The following SHROOM2 variants were observed in gnomAD, a reference collection of about 807,000 sequenced individuals.
SHROOM2 encodes the protein shroom family member 2.
In SHROOM2, 33 loss-of-function variants were observed where a neutral mutation model predicts 75.9. The observed-to-expected ratio is 0.43, with a 90% CI of 0.33 to 0.58. The LOEUF is 0.58. Ranked by LOEUF, SHROOM2 falls within the 20% of genes least tolerant of loss-of-function variation. The pLI, the probability that SHROOM2 is intolerant of heterozygous loss-of-function variation, is 0.04. For missense variants in SHROOM2, 1,434 were observed against 1,461.2 expected (o/e 0.98, Z 0.30); for synonymous variants, 655 against 663.6 (o/e 0.99, Z 0.20).
In SHROOM2 at chrX:9,937,470, G is replaced by A; in HGVS notation, c.3924G>A (p.Glu1308=). ...PPGLSYMKAK[E]KTVEDLKSEE... ...GGCTCAGCTACATGAAGGCCAAAGA[G>A]AAGACTGTGGAAGACCTGAAGTCGG... is the stretch of plus-strand genomic sequence containing the variant. Residue 1308 remains glutamate (E), a synonymous_variant, in exon 7 of 10, where the codon GAG becomes GAA. Coordinates refer to ENST00000380913, the MANE Select transcript of SHROOM2 (RefSeq NM_001649.4). 1 of 1,211,423 alleles carries A rather than the reference G, an allele frequency of 8.3e-7. No individual in the cohort carries two copies. The highest frequency in any genetic ancestry group is 1.1e-6 in the Non-Finnish European group (1 of 895,406).
chrX:9,935,598 C>A (rs1459003107), intron 6 of SHROOM2, among the ~76,000 whole-genome samples: 1 of 111,258 alleles, frequency 9.0e-6, no homozygotes, highest in East Asian at 2.8e-4. Context: ...TAAAACACAT[C>A]AGATGTTGCT....
In SHROOM2 at chrX:9,826,845, C is replaced by T. The variant is rs780419478; in HGVS notation, c.165+40135C>T. On this transcript the variant is annotated intron_variant, in intron 1 of 9. Coordinates refer to ENST00000380913, the MANE Select transcript of SHROOM2 (RefSeq NM_001649.4). ...ATGTACATTCTCATCTTTCAAAGAA[C>T]GAACAAGATTTGGGAAAATGCACCA... Among the ~76,000 whole-genome samples the T allele has an allele frequency of 1.5e-4, 17 of 112,479 alleles. No homozygotes were observed. In the South Asian group the frequency reaches 4.0e-3, roughly 27 times the overall value.
intron 5 of SHROOM2, among the ~76,000 whole-genome samples, chrX:9,924,863 G>A (rs2084579600): frequency 9.1e-6 from 1 of 110,344 alleles, no homozygotes; most frequent in Non-Finnish European, 1.9e-5. Flanking sequence ...GTAGAGACTG[G>A]GTCTTGCTAT....
intron 6 of SHROOM2, among the ~76,000 whole-genome samples, chrX:9,934,970 A>G (rs1357152967): frequency 9.0e-6 from 1 of 110,599 alleles, no homozygotes; most frequent in African/African-American, 3.3e-5. Flanking sequence ...ACGGGGTTTC[A>G]CCATGTTGGC....
chrX:9,788,856 C>G (rs1327529797), intron 1 of SHROOM2, among the ~76,000 whole-genome samples: 1 of 110,980 alleles, frequency 9.0e-6, no homozygotes, highest in Non-Finnish European at 1.9e-5. Context: ...ACTGTCACCT[C>G]TCTCCAGGTG....
At chrX:9,914,841 C>A (rs182272557) in intron 5 of SHROOM2, among the ~76,000 whole-genome samples, 5 of 111,928 alleles carry the variant, frequency 4.5e-5, no homozygotes, top group Non-Finnish European at 9.4e-5. Context: ...TGGGCTCCTG[C>A]GGACTAATGG....
At chrX:9,795,593 A>C in intron 1 of SHROOM2, among the ~76,000 whole-genome samples, 1 of 111,227 alleles carries the variant, frequency 9.0e-6, no homozygotes, top group Admixed American at 9.6e-5. Context: ...GTTGTCTTCA[A>C]ATGTCTAGTG....
chrX:9,929,789 T>C (rs1417701931), intron 5 of SHROOM2, among the ~76,000 whole-genome samples: 1 of 112,035 alleles, frequency 8.9e-6, no homozygotes, highest in Non-Finnish European at 1.9e-5. Flanking sequence ...TTGAATTGTA[T>C]TTCTGAGAAT....
chrX:9,913,422 A>C (rs2084451898), intron 5 of SHROOM2, among the ~76,000 whole-genome samples: 1 of 112,460 alleles, frequency 8.9e-6, no homozygotes, highest in Non-Finnish European at 1.9e-5. Flanking sequence ...TGATTGTGAC[A>C]GTTTAAGGGT....
At position 9,932,883 on chromosome X, in the gene SHROOM2, G is replaced by T. The variant is rs761281564; in HGVS notation, c.3587+13G>T. 8.7e-7 allele frequency: 1 copy of T among 1,153,469 alleles called. No individual in the cohort carries two copies. The highest frequency in any genetic ancestry group is 3.0e-5 in the East Asian group (1 of 33,258). On this transcript the variant is annotated intron_variant, in intron 6 of 9. Coordinates refer to ENST00000380913, the MANE Select transcript of SHROOM2 (RefSeq NM_001649.4). The stretch of plus-strand genomic sequence containing the variant: ...AGGATTCAACCAGGTACTGTCCTGC[G>T]ACGGTGTTCCCTCCCCATGAGGCTC...
At position 9,813,032 on chromosome X, in the gene SHROOM2, T is replaced by TTGAACGGG. The variant is rs764043071; in HGVS notation, c.165+26323_165+26330dup. ...CTTCTGCACGGGCTAAATGGGAGAG[T>TTGAACGGG]TGAACGGGGATGTGGTGGGAATCAC... On this transcript the variant is annotated intron_variant, in intron 1 of 9. Coordinates refer to ENST00000380913, the MANE Select transcript of SHROOM2 (RefSeq NM_001649.4). Among the ~76,000 whole-genome samples, 768 of 112,013 alleles carry TTGAACGGG rather than the reference T, an allele frequency of 6.9e-3. 2 individuals carry two copies. Among genetic ancestry groups the TTGAACGGG allele is most frequent in the Middle Eastern group, 0.014 (3 of 216 alleles).
chrX:9,806,144 A>C (rs1321685494), intron 1 of SHROOM2, among the ~76,000 whole-genome samples: 6 of 110,035 alleles, frequency 5.5e-5, no homozygotes, highest in African/African-American at 2.0e-4. Context: ...GCTGTTTTTG[A>C]GCCTCCTAGC....
chrX:9,936,618 G>A (rs1427261131), intron 6 of SHROOM2, among the ~76,000 whole-genome samples: 1 of 111,002 alleles, frequency 9.0e-6, no homozygotes, highest in Admixed American at 9.6e-5. Context: ...GGGTGGTGGG[G>A]GGCTTTGGCC....
At chrX:9,898,043 C>G (rs1196289914) in intron 4 of SHROOM2, 147 bp from the exon 5 acceptor site, 1 of 509,532 alleles carries the variant, frequency 2.0e-6, no homozygotes, top group Non-Finnish European at 3.6e-6. Context: ...CAGAAGTGGA[C>G]GTGGGGTCTT....
chrX:9,928,384 G>A (rs2084615291), intron 5 of SHROOM2, among the ~76,000 whole-genome samples: 1 of 112,771 alleles, frequency 8.9e-6, no homozygotes, highest in East Asian at 2.8e-4. Flanking sequence ...TTGTGTGGCC[G>A]AACTTCCTGC....
intron 1 of SHROOM2, among the ~76,000 whole-genome samples, chrX:9,812,247 C>G (rs1463431000): frequency 8.9e-6 from 1 of 112,036 alleles, no homozygotes; most frequent in African/African-American, 3.2e-5. Context: ...TTATCTGCCA[C>G]TCTCACCTCA....
Position 9,895,840 on chromosome X carries a change from C to G in SHROOM2, c.1932C>G (p.Ser644Arg), listed in dbSNP as rs2084326001. Residue 644 changes from serine (S) to arginine (R), a missense_variant, in exon 4 of 10, where the codon AGC becomes AGG. Ser to Arg is a moderately radical substitution (Grantham distance 110, BLOSUM62 -1). Transcript: ENST00000380913. ...TGCATAGAGCCAAGCTGCAGAAGAG[C>G]CGGAGCACAGTGGCTCTGACTGCAG... ...IQMHRAKLQK[S>R]RSTVALTAAG... 1 of 1,204,569 alleles carries G rather than the reference C, an allele frequency of 8.3e-7. No homozygotes were observed. The highest frequency in any genetic ancestry group is 1.7e-5 in the African/African-American group (1 of 57,908).
At chrX:9,885,205 GTT>G (rs2084254102) in intron 2 of SHROOM2, among the ~76,000 whole-genome samples, 1 of 111,919 alleles carries the variant, frequency 8.9e-6, no homozygotes, top group Non-Finnish European at 1.9e-5. Flanking sequence ...GAGACCCACG[GTT>G]CTAGGGACAA....
intron 1 of SHROOM2, among the ~76,000 whole-genome samples, chrX:9,857,729 T>C (rs945430212): frequency 9.0e-6 from 1 of 111,163 alleles, no homozygotes; most frequent in African/African-American, 3.3e-5. Context: ...TTGTGAACAT[T>C]TGCAGACACA....
Sources: allele counts gnomAD v4.1 joint callset (sites outside exome capture counted in the v4.1 genomes callset), GRCh38; gene constraint gnomAD v4.1.1; transcripts MANE v1.5; gene names NCBI Gene and HGNC (gene_info 2026-07-23, HGNC 2026-07-21).